KAZN: variants seen among roughly 807,000 people sequenced by gnomAD.
KAZN encodes kazrin.
Under a neutral mutation model 87.4 loss-of-function variants are expected in KAZN, and 40 were observed. The observed-to-expected ratio is 0.46, with a 90% CI of 0.36 to 0.60. KAZN has a LOEUF of 0.60. Ranked by LOEUF, KAZN falls within the 20% of genes least tolerant of loss-of-function variation. KAZN has a pLI of 0.00. For synonymous variants in KAZN, 466 were observed against 458.3 expected (o/e 1.02, Z -0.22); for missense variants, 898 against 1,073.9 (o/e 0.84, Z 2.29).
At chr1:14,924,200 G>C in intron 1 of KAZN, 2 of 981,802 alleles carry the variant, frequency 2.0e-6, no homozygotes, top group Non-Finnish European at 2.4e-6. Flanking sequence ...CCCGGCGTCC[G>C]GCCGGACTGA....
At chr1:14,830,674 G>C (rs949360093) in intron 1 of KAZN, among the ~76,000 whole-genome samples, 5 of 152,090 alleles carry the variant, frequency 3.3e-5, no homozygotes, top group Admixed American at 6.5e-5. Context: ...AGAGTGAAGG[G>C]GGAGTGCTAC....
chr1:14,703,744 G>T (rs552091317), intron 1 of KAZN, among the ~76,000 whole-genome samples: 1 of 152,242 alleles, frequency 6.6e-6, no homozygotes, highest in South Asian at 2.1e-4. Context: ...GCCAGGCATG[G>T]TGGCACACAC....
intron 1 of KAZN, among the ~76,000 whole-genome samples, chr1:14,095,350 A>G (rs1319057897): frequency 2.6e-5 from 4 of 152,218 alleles, no homozygotes; most frequent in African/African-American, 9.6e-5. Flanking sequence ...CTGAGCCTGT[A>G]TAGGCTGAAT....
chr1:13,929,351 T>C (rs1232775310), intron 1 of KAZN, among the ~76,000 whole-genome samples: 2 of 152,180 alleles, frequency 1.3e-5, no homozygotes, highest in African/African-American at 4.8e-5. Flanking sequence ...GCATACCTTA[T>C]ACATTCATTG....
At chr1:14,444,800 A>C (rs937991365) in intron 2 of KAZN, among the ~76,000 whole-genome samples, 1 of 152,146 alleles carries the variant, frequency 6.6e-6, no homozygotes, top group African/African-American at 2.4e-5. Context: ...TAAGAGCCCA[A>C]AACATTTATA....
chr1:14,828,196 G>A (rs927080302), intron 1 of KAZN, among the ~76,000 whole-genome samples: 1 of 152,308 alleles, frequency 6.6e-6, no homozygotes, highest in African/African-American at 2.4e-5. Context: ...TCTGAATTGT[G>A]ATCATTGTGA....
intron 1 of KAZN, among the ~76,000 whole-genome samples, chr1:14,001,157 G>C (rs547018172): frequency 6.6e-6 from 1 of 152,214 alleles, no homozygotes; most frequent in East Asian, 1.9e-4. Flanking sequence ...CTTCAGCAAA[G>C]TCTCAGCATA....
intron 2 of KAZN, among the ~76,000 whole-genome samples, chr1:14,211,377 C>T (rs1185645043): frequency 6.6e-6 from 1 of 152,096 alleles, no homozygotes; most frequent in African/African-American, 2.4e-5. Flanking sequence ...CCCACCACCA[C>T]ACCCAGCTAA....
intron 2 of KAZN, among the ~76,000 whole-genome samples, chr1:14,969,623 T>C (rs1291570067): frequency 6.6e-6 from 1 of 152,186 alleles, no homozygotes; most frequent in African/African-American, 2.4e-5. Flanking sequence ...TAAAGGCTTC[T>C]TAGACTCCAC....
At chr1:14,301,098 T>C (rs989036012) in intron 2 of KAZN, among the ~76,000 whole-genome samples, 6 of 152,178 alleles carry the variant, frequency 3.9e-5, no homozygotes, top group African/African-American at 9.7e-5. Context: ...ATGTCTTGTA[T>C]GGAAAACTCA....
chr1:14,891,306 C>G (rs1223635967), intron 1 of KAZN, among the ~76,000 whole-genome samples: 1 of 152,056 alleles, frequency 6.6e-6, no homozygotes, highest in African/African-American at 2.4e-5. Flanking sequence ...TATCCCTCAC[C>G]CCCTTCCCAC....
At chr1:14,716,614 G>A (rs1359966260) in intron 1 of KAZN, among the ~76,000 whole-genome samples, 1 of 152,072 alleles carries the variant, frequency 6.6e-6, no homozygotes, top group East Asian at 1.9e-4. Context: ...CTCTGAGCAG[G>A]TAGCTCTTGT....
chr1:14,378,892 A>G (rs1365649300), intron 2 of KAZN, among the ~76,000 whole-genome samples: 2 of 151,852 alleles, frequency 1.3e-5, no homozygotes, highest in Non-Finnish European at 2.9e-5. Context: ...AGCATGTGAC[A>G]TACTAAGACA....
intron 1 of KAZN, among the ~76,000 whole-genome samples, chr1:14,887,189 C>A (rs4661542): frequency 6.6e-6 from 1 of 152,128 alleles, no homozygotes; most frequent in African/African-American, 2.4e-5. Flanking sequence ...TGCCAAAGAC[C>A]TGTTTTATTA....
At chr1:14,419,703 T>C (rs1665211655) in intron 2 of KAZN, among the ~76,000 whole-genome samples, 1 of 152,164 alleles carries the variant, frequency 6.6e-6, no homozygotes, top group South Asian at 2.1e-4. Flanking sequence ...CTGGCTTCAT[T>C]CAAGAGTGAA....
intron 3 of KAZN, among the ~76,000 whole-genome samples, chr1:15,035,289 A>G (rs1021277838): frequency 1.3e-5 from 2 of 152,226 alleles, no homozygotes; most frequent in Non-Finnish European, 2.9e-5. Flanking sequence ...ATAGTATAGC[A>G]TCATCAATAA....
chr1:14,458,504 A>G (rs963254568), intron 2 of KAZN, among the ~76,000 whole-genome samples: 2 of 152,004 alleles, frequency 1.3e-5, no homozygotes, highest in Non-Finnish European at 2.9e-5. Flanking sequence ...AATGGTGGTT[A>G]TTCTCGTCTT....
At chr1:14,772,034 A>T (rs955422107) in intron 1 of KAZN, among the ~76,000 whole-genome samples, 3 of 152,124 alleles carry the variant, frequency 2.0e-5, no homozygotes, top group Non-Finnish European at 4.4e-5. Context: ...TCTTTCTAAG[A>T]TGACAAAAAA....
At chr1:14,705,402 C>G (rs10927510) in intron 1 of KAZN, among the ~76,000 whole-genome samples, 2 of 152,110 alleles carry the variant, frequency 1.3e-5, no homozygotes, top group African/African-American at 4.8e-5. Context: ...CTAGAACCAC[C>G]GTATGATCCA....
Sources: allele counts gnomAD v4.1 joint callset (sites outside exome capture counted in the v4.1 genomes callset), GRCh38; gene constraint gnomAD v4.1.1; transcripts MANE v1.5; gene names NCBI Gene and HGNC (gene_info 2026-07-23, HGNC 2026-07-21).